The following THRA variants were observed in gnomAD, a reference collection of about 807,000 sequenced individuals.
The protein encoded by THRA is EAR-7.
A neutral mutation model predicts 45.0 loss-of-function variants in THRA; 13 were observed. The ratio of observed to expected loss-of-function variants is 0.29; its 90% CI spans 0.19 to 0.46. The LOEUF is 0.46. THRA is among the 20% of genes least tolerant of loss of function. The probability of loss-of-function intolerance (pLI) is 1.00; values close to 1 mark genes in which losing one functional copy is unlikely to be tolerated. For synonymous variants in THRA, 195 were observed against 214.0 expected (o/e 0.91, Z 0.78); for missense variants, 278 against 556.1 (o/e 0.50, Z 5.03).
At position 40,092,450 on chromosome 17, in the gene THRA, C is replaced by T. The variant is rs1323078372; in HGVS notation, c.*2994C>T. 1 of 152,504 alleles carries T rather than the reference C, an allele frequency of 6.6e-6. No homozygotes were observed. Among genetic ancestry groups the T allele is most frequent in the African/African-American group, 2.4e-5 (1 of 41,336 alleles). 9.4% of individuals were successfully genotyped at this position (152,504 alleles called of 1,614,324 possible). A position where few individuals can be genotyped will look rare whatever the true frequency, so the allele number is the denominator to read the frequency against. On this transcript the variant is annotated 3_prime_UTR_variant, in exon 9 of 9. Transcript: ENST00000450525. Reference sequence around the variant, plus strand: ...CTTCCCCAGGGAGGGGTGGGACCGGCAGGGGTGACTTGAGGGGCTCCTACT... The same window carrying T: ...CTTCCCCAGGGAGGGGTGGGACCGGTAGGGGTGACTTGAGGGGCTCCTACT...
rs757747930 is a variant in THRA, at chr17:40,089,213, G to C, written c.990G>C (p.Ser330=). 5.6e-6 allele frequency: 9 copies of C among 1,613,614 alleles called. No individual in the cohort carries two copies. The highest frequency in any genetic ancestry group is 7.6e-6 in the Non-Finnish European group (9 of 1,179,934). ...QAVLLMSTDR[S]GLLCVDKIEK... ...GCCCCTCTTCCCTCACAGACCGCTC[G>C]GGCCTGCTGTGTGTGGACAAGATCG... The change falls in exon 9 of 9, where the codon TCG becomes TCC. Residue 330 remains serine (S), a synonymous_variant. Transcript: ENST00000450525. The surrounding 1 kb of genome is among the most constrained non-coding windows in gnomAD (Gnocchi z 6.1).
Position 40,086,778 on chromosome 17 carries a change from C to T in THRA, c.648C>T (p.Ser216=), listed in dbSNP as rs147570693. The change falls in exon 7 of 9, where the codon AGC becomes AGT. Residue 216 remains serine (S), a synonymous_variant. Transcript: ENST00000450525. Reference sequence around the variant, plus strand: ...ACAAGGTGGACCTGGAAGCCTTCAGCGAGTTTACCAAGATCATCACCCCGG... The same window carrying T: ...ACAAGGTGGACCTGGAAGCCTTCAGTGAGTTTACCAAGATCATCACCCCGG... ...DGDKVDLEAF[S]EFTKIITPAI... 13 of 1,614,124 alleles carry T rather than the reference C, an allele frequency of 8.1e-6. No homozygotes were observed. In the African/African-American group the frequency reaches 9.3e-5, roughly 12 times the overall value.
intron 1 of THRA, among the ~76,000 whole-genome samples, chr17:40,073,172 G>T (rs572710026): frequency 1.3e-5 from 2 of 152,152 alleles, no homozygotes; most frequent in Non-Finnish European, 2.9e-5. Context: ...GGTTGAGGTC[G>T]TATGTTGGGG....
chr17:40,073,026 C>T (rs974557118), intron 1 of THRA, among the ~76,000 whole-genome samples: 11 of 152,210 alleles, frequency 7.2e-5, no homozygotes, highest in Admixed American at 7.2e-4. Context: ...GTGCAGAGGC[C>T]CCGTTCTGCT....
Position 40,089,846 on chromosome 17 carries a change from G to A in THRA, c.*390G>A, listed in dbSNP as rs115187810. On this transcript the variant is annotated 3_prime_UTR_variant, in exon 9 of 9. Transcript: ENST00000450525. This position sits in a 1 kb window ranked among gnomAD's most constrained non-coding sequence, Gnocchi z 6.1. The stretch of plus-strand genomic sequence containing the variant: ...ACTCACCCCCTACACACACATGAGA[G>A]AGAGCCCCCACCCAGTTCCTTGGCC... The A allele has an allele frequency of 8.2e-4, 861 of 1,054,108 alleles. 6 individuals carry two copies. The African/African-American group carries it at 9.8e-3, about 12-fold the overall frequency. The allele number at this position is 1,054,108 out of a possible 1,614,324, so 65.3% of individuals were successfully genotyped here. A position where few individuals can be genotyped will look rare whatever the true frequency, so the allele number is the denominator to read the frequency against.
At position 40,076,856 on chromosome 17, in the gene THRA, T is replaced by C; in HGVS notation, c.54-15T>C. 1 of 1,613,982 alleles carries C rather than the reference T, an allele frequency of 6.2e-7. No individual in the cohort carries two copies. Among genetic ancestry groups the C allele is most frequent in the Non-Finnish European group, 8.5e-7 (1 of 1,179,916 alleles). On this transcript the variant is annotated splice_polypyrimidine_tract_variant and intron_variant, in intron 2 of 8. Transcript: ENST00000450525. ...AAGACTGCTCTGTGATTCTGCCCAC[T>C]TTGCCTCCATCCAGTGCCAGGTCAC...
intron 3 of THRA, 78 bp from the exon 4 acceptor site, chr17:40,077,430 G>T: frequency 7.5e-7 from 1 of 1,341,486 alleles, no homozygotes; most frequent in Non-Finnish European, 1.1e-6. Context: ...AAAGTTGAGG[G>T]ATGGGGAAAA....
chr17:40,093,490 G>A (rs1987670303), downstream of THRA: 10 of 1,455,852 alleles, frequency 6.9e-6, no homozygotes, highest in Non-Finnish European at 8.2e-6. The surrounding 1 kb of genome is among the most constrained non-coding windows in gnomAD (Gnocchi z 5.9). Flanking sequence ...GGCTCAGCAG[G>A]GCTGGTCACC....
rs1291373070 is a variant in THRA at position 40,063,016 on chromosome 17, C to A, written c.-374C>A. 6.6e-6 allele frequency: 1 copy of A among 151,608 alleles called. No individual in the cohort carries two copies. Among genetic ancestry groups the A allele is most frequent in the African/African-American group, 2.4e-5 (1 of 41,364 alleles). 9.4% of individuals were successfully genotyped at this position (151,608 alleles called of 1,614,324 possible). ...GGCGGGCGGCCCGGGCCCCACCGGC[C>A]CCCCATGGACGCCCCCAGCACGGGG... On this transcript the variant is annotated 5_prime_UTR_variant, in exon 1 of 9. Coordinates refer to ENST00000450525, the MANE Select transcript of THRA (RefSeq NM_199334.5).
intron 6 of THRA, 143 bp from the exon 7 acceptor site, chr17:40,086,564 A>T: frequency 1.0e-6 from 1 of 993,196 alleles, no homozygotes; most frequent in East Asian, 2.6e-5. Context: ...CTCAAGATGA[A>T]GGAAAAGCTT....
chr17:40,092,134 T>G lies in THRA; in HGVS notation c.*2678T>G, dbSNP rs979211945. ...CGCCTCTCCATCTCAGTATTGCCCC[T>G]CCCATCACTCATAACACACATACCT... On this transcript the variant is annotated 3_prime_UTR_variant, in exon 9 of 9. Transcript: ENST00000450525. The G allele has an allele frequency of 6.6e-6, 1 of 151,572 alleles. No individual in the cohort carries two copies. Among genetic ancestry groups the G allele is most frequent in the Non-Finnish European group, 1.5e-5 (1 of 67,926 alleles). The allele number at this position is 151,572 out of a possible 1,614,324, so 9.4% of individuals were successfully genotyped here. A position where few individuals can be genotyped will look rare whatever the true frequency, so the allele number is the denominator to read the frequency against.
chr17:40,080,935 G>A (rs910287173), intron 4 of THRA, among the ~76,000 whole-genome samples: 2 of 151,826 alleles, frequency 1.3e-5, no homozygotes, highest in Non-Finnish European at 2.9e-5. Flanking sequence ...TGTTGGCCAC[G>A]TTGGTCTTGA....
At chr17:40,074,572 C>T in intron 2 of THRA, 31 bp downstream of exon 2, 3 of 1,613,454 alleles carry the variant, frequency 1.9e-6, no homozygotes, top group Non-Finnish European at 1.7e-6. Flanking sequence ...GTCATGCCAA[C>T]TCCTAAGCAG....
chr17:40,082,810 A>G (rs1598395257), intron 4 of THRA, among the ~76,000 whole-genome samples: 1 of 112,518 alleles, frequency 8.9e-6, no homozygotes. Context: ...TCTGTCACCC[A>G]GGCTGGAATG....
intron 1 of THRA, among the ~76,000 whole-genome samples, chr17:40,067,108 A>T (rs1204255307): frequency 6.6e-6 from 1 of 152,128 alleles, no homozygotes; most frequent in Non-Finnish European, 1.5e-5. Context: ...TCTCACCGTC[A>T]TGTAATCTTT....
chr17:40,064,701 T>C (rs1986490366), intron 1 of THRA, among the ~76,000 whole-genome samples: 1 of 152,226 alleles, frequency 6.6e-6, no homozygotes, highest in African/African-American at 2.4e-5. Context: ...CAGTGAGCTC[T>C]TGGAGACCTG....
chr17:40,078,409 A>G (rs1344397930), intron 4 of THRA, among the ~76,000 whole-genome samples: 1 of 152,174 alleles, frequency 6.6e-6, no homozygotes, highest in Non-Finnish European at 1.5e-5. Context: ...TGAACCCAGA[A>G]GGTCAGGGCT....
At chr17:40,076,578 G>T (rs1306114758) in intron 2 of THRA, among the ~76,000 whole-genome samples, 1 of 152,204 alleles carries the variant, frequency 6.6e-6, no homozygotes, top group African/African-American at 2.4e-5. Context: ...TGTACTGAAA[G>T]ATGAGGATGT....
At chr17:40,093,286 TG>T (rs1313724580), downstream of THRA, 29 of 1,613,416 alleles carry the variant, frequency 1.8e-5, no homozygotes, top group Non-Finnish European at 2.5e-5. This position sits in a 1 kb window ranked among gnomAD's most constrained non-coding sequence, Gnocchi z 5.9. Flanking sequence ...GAGCGGTCTG[TG>T]GGGAAGACGA....
Sources: allele counts gnomAD v4.1 joint callset (sites outside exome capture counted in the v4.1 genomes callset), GRCh38; gene constraint gnomAD v4.1.1; non-coding constraint Gnocchi (gnomAD v3.1); transcripts MANE v1.5; gene names NCBI Gene and HGNC (gene_info 2026-07-23, HGNC 2026-07-21).